Variants in LRP1B observed in about 807,000 individuals in gnomAD.
LRP1B encodes the protein low-density lipoprotein receptor-related protein 1B.
In LRP1B, 217 loss-of-function variants were observed where a neutral mutation model predicts 556.6. The ratio of observed to expected loss-of-function variants is 0.39; its 90% CI spans 0.35 to 0.44. The LOEUF is 0.44. Among genes scored for constraint, LRP1B ranks in the 20% least tolerant of loss-of-function variants. The pLI, the probability that LRP1B is intolerant of heterozygous loss-of-function variation, is 1.00. For missense variants in LRP1B, 5,053 were observed against 5,620.8 expected (o/e 0.90, Z 3.23); for synonymous variants, 2,047 against 1,865.8 (o/e 1.10, Z -2.50).
chr2:141,402,445 A>T (rs1559050844), intron 3 of LRP1B, among the ~76,000 whole-genome samples: 1 of 152,134 alleles, frequency 6.6e-6, no homozygotes, highest in Non-Finnish European at 1.5e-5. Context: ...ATAACATGGA[A>T]TGAGACCAGT....
At chr2:141,770,251 A>T (rs1294355641) in intron 2 of LRP1B, among the ~76,000 whole-genome samples, 5 of 151,184 alleles carry the variant, frequency 3.3e-5, no homozygotes, top group Non-Finnish European at 7.4e-5. Flanking sequence ...TCCCTTATTT[A>T]TGGATCTTCT....
intron 1 of LRP1B, among the ~76,000 whole-genome samples, chr2:141,881,478 C>T (rs529695724): frequency 1.3e-5 from 2 of 152,080 alleles, no homozygotes; most frequent in Non-Finnish European, 1.5e-5. Context: ...ACTGAAAAAT[C>T]GTTGTGAATG....
intron 41 of LRP1B, among the ~76,000 whole-genome samples, chr2:140,696,870 G>T (rs1686447737): frequency 6.6e-6 from 1 of 152,038 alleles, no homozygotes; most frequent in South Asian, 2.1e-4. Context: ...AAAGGTTGAG[G>T]ACCACTGTCC....
chr2:141,869,605 A>G (rs759438176), intron 1 of LRP1B, among the ~76,000 whole-genome samples: 2 of 152,112 alleles, frequency 1.3e-5, no homozygotes, highest in Non-Finnish European at 2.9e-5. Flanking sequence ...AATCAGTTCT[A>G]TGTTCCAATT....
intron 12 of LRP1B, 75 bp from the exon 13 acceptor site, chr2:141,015,990 T>C: frequency 3.6e-6 from 4 of 1,113,878 alleles, no homozygotes; most frequent in East Asian, 4.8e-5. Flanking sequence ...TTCCTCAGAT[T>C]TGGCAGTTCC....
At chr2:141,250,136 T>C (rs1190141454) in intron 4 of LRP1B, among the ~76,000 whole-genome samples, 1 of 152,232 alleles carries the variant, frequency 6.6e-6, no homozygotes, top group Non-Finnish European at 1.5e-5. Context: ...TGGCCTTTGT[T>C]CACAGTGCTT....
intron 41 of LRP1B, among the ~76,000 whole-genome samples, chr2:140,681,811 T>C (rs1356794070): frequency 6.6e-6 from 1 of 152,144 alleles, no homozygotes; most frequent in African/African-American, 2.4e-5. Flanking sequence ...TTTCTATCTT[T>C]ACTACCAAAT....
At chr2:140,893,642 T>C (rs1693864205) in intron 23 of LRP1B, among the ~76,000 whole-genome samples, 1 of 152,156 alleles carries the variant, frequency 6.6e-6, no homozygotes, top group Admixed American at 6.6e-5. Context: ...ATTTTAGGTG[T>C]TGGGTAAATG....
chr2:141,093,747 CT>C (rs2104917017), intron 7 of LRP1B, among the ~76,000 whole-genome samples: 2 of 152,018 alleles, frequency 1.3e-5, no homozygotes, highest in South Asian at 4.1e-4. Flanking sequence ...GACAGAGTTG[CT>C]TTGTCGTCCA....
At chr2:142,025,770 G>C (rs1703482589) in intron 1 of LRP1B, among the ~76,000 whole-genome samples, 1 of 152,072 alleles carries the variant, frequency 6.6e-6, no homozygotes, top group Non-Finnish European at 1.5e-5. Flanking sequence ...ATTTATTAAA[G>C]AGTTGATTGA....
rs923187238 is a variant in LRP1B, at chr2:142,011,436, C to T, written c.82+119212G>A. Among the ~76,000 whole-genome samples, 8 of 152,222 alleles carry T rather than the reference C, an allele frequency of 5.3e-5. No individual in the cohort carries two copies. The East Asian group carries it at 1.5e-3, about 29-fold the overall frequency. On this transcript the variant is annotated intron_variant, in intron 1 of 90. Transcript: ENST00000389484. Reference sequence around the variant, plus strand: ...TTTCTCACATCAGAAAGCGTAGTAACCCCTTTTCTTCTGAGGTTAATGGTG... The same window carrying T: ...TTTCTCACATCAGAAAGCGTAGTAATCCCTTTTCTTCTGAGGTTAATGGTG...
intron 35 of LRP1B, among the ~76,000 whole-genome samples, chr2:140,766,662 G>A (rs1689114822): frequency 6.6e-6 from 1 of 150,592 alleles, no homozygotes; most frequent in Non-Finnish European, 1.5e-5. Flanking sequence ...CCTCAAAAGG[G>A]AGGTTTATTA....
rs1027117296 is a variant in LRP1B at position 141,230,264 on chromosome 2, C to T, written c.593-824G>A. ...AGGAAATATGTGGAAATCTTTAATT[C>T]ATCTGTATCTAATGCATCAATAAAT... is the stretch of plus-strand genomic sequence containing the variant. On this transcript the variant is annotated intron_variant, in intron 5 of 90. Transcript: ENST00000389484. Among the ~76,000 whole-genome samples, 3 of 152,138 alleles carry T rather than the reference C, an allele frequency of 2.0e-5. No homozygotes were observed. In the East Asian group the frequency reaches 5.8e-4, roughly 29 times the overall value.
chr2:140,705,521 C>CAAAAAAAAAAAAAAAAAAAAA (rs565447198), intron 37 of LRP1B, among the ~76,000 whole-genome samples: 4 of 68,228 alleles, frequency 5.9e-5, no homozygotes, highest in Non-Finnish European at 7.6e-5. Context: ...GAGACTGTCT[C>CAAAAAAAAAAAAAAAAAAAAA]AAAAAAAAAA....
At chr2:141,639,423 T>TA (rs201861541) in intron 2 of LRP1B, among the ~76,000 whole-genome samples, 45,288 of 132,056 alleles carry the variant, frequency 0.34, 10,394 homozygotes, top group Non-Finnish European at 0.43. Context: ...TATATATATA[T>TA]TTTTTTTTGA....
At chr2:140,687,192 G>T (rs921562456) in intron 41 of LRP1B, among the ~76,000 whole-genome samples, 1 of 152,080 alleles carries the variant, frequency 6.6e-6, no homozygotes, top group Non-Finnish European at 1.5e-5. Flanking sequence ...AGACCATTGG[G>T]CTTAAATTGC....
At chr2:140,355,507 A>G (rs548042424) in intron 75 of LRP1B, among the ~76,000 whole-genome samples, 23 of 152,102 alleles carry the variant, frequency 1.5e-4, no homozygotes, top group Non-Finnish European at 2.8e-4. Flanking sequence ...AGTAGAATCA[A>G]TTCATTTAAA....
At chr2:140,939,035 C>T (rs1279652849) in intron 20 of LRP1B, among the ~76,000 whole-genome samples, 2 of 151,732 alleles carry the variant, frequency 1.3e-5, no homozygotes, top group Non-Finnish European at 1.5e-5. Context: ...TGTACAAACT[C>T]GATTGATATG....
chr2:141,917,799 A>G (rs184658134), intron 1 of LRP1B, among the ~76,000 whole-genome samples: 103 of 152,340 alleles, frequency 6.8e-4, no homozygotes, highest in African/African-American at 2.3e-3. Context: ...AATGGTGTTC[A>G]GATAAAATTT....
Sources: allele counts gnomAD v4.1 joint callset (sites outside exome capture counted in the v4.1 genomes callset), GRCh38; gene constraint gnomAD v4.1.1; transcripts MANE v1.5; gene names NCBI Gene and HGNC (gene_info 2026-07-23, HGNC 2026-07-21).